Variants in PHLDB3 observed in about 807,000 individuals in gnomAD.
PHLDB3 encodes the protein pleckstrin homology-like domain family B member 3.
In PHLDB3, 86 loss-of-function variants were observed where a neutral mutation model predicts 85.7. The observed-to-expected ratio is 1.00, with a 90% CI of 0.84 to 1.20. The LOEUF (loss-of-function observed/expected upper bound fraction) is 1.20, where lower values mean the gene tolerates loss of function less well. PHLDB3 is among the 50% of genes most tolerant of loss of function. The pLI is 0.00. For missense variants in PHLDB3, 995 were observed against 873.0 expected, an observed-to-expected ratio of 1.14 and a Z score of -1.76; for synonymous variants, 376 against 349.8, an observed-to-expected ratio of 1.07 and a Z score of -0.83.
chr19:43,499,333 G>C (rs1226515241), intron 4 of PHLDB3, among the ~76,000 whole-genome samples: 1 of 151,794 alleles, frequency 6.6e-6, no homozygotes, highest in East Asian at 1.9e-4. Context: ...CAGACTCCTG[G>C]GTCAGAGGGA....
rs1599951330 is a variant in PHLDB3 at position 43,494,552 on chromosome 19, C to T, written c.1149+150G>A. ...TAAAGCTGGAGTCATAGGAATAACC[C>T]TTGGCCAACCTTCCCTATCCCCCAC... On this transcript the variant is annotated intron_variant, in intron 9 of 15. Coordinates refer to ENST00000292140, the MANE Select transcript of PHLDB3 (RefSeq NM_198850.4). The T allele has an allele frequency of 1.1e-5, 7 of 615,996 alleles. No homozygotes were observed. In the Admixed American group the frequency reaches 2.1e-4, roughly 18 times the overall value. 38.2% of individuals were successfully genotyped at this position (615,996 alleles called of 1,614,324 possible).
chr19:43,496,118 G>A (rs1443899676), intron 6 of PHLDB3: 1 of 153,224 alleles, frequency 6.5e-6, no homozygotes, highest in Non-Finnish European at 1.4e-5. Context: ...CCGGATTCAA[G>A]CAATTCTCTG....
rs1001090450 is a variant in PHLDB3, at chr19:43,502,309, G to A, written c.214-26C>T. 6 of 1,535,916 alleles carry A rather than the reference G, an allele frequency of 3.9e-6. No individual in the cohort carries two copies. The Admixed American group carries it at 5.9e-5, about 15-fold the overall frequency. ...CTGAAGTTGAGGGGGGCGTGGTTAA[G>A]TGGAGATGCCTCGCCCCCTGCAATC... On this transcript the variant is annotated intron_variant, in intron 2 of 15. Coordinates refer to ENST00000292140, the MANE Select transcript of PHLDB3 (RefSeq NM_198850.4).
chr19:43,495,502 A>G lies in PHLDB3; in HGVS notation c.944T>C (p.Leu315Pro), dbSNP rs897691077. The change falls in exon 7 of 16, where the codon CTG becomes CCG. Residue 315 changes from leucine to proline, a missense_variant. Physicochemically the swap from Leu to Pro is moderately conservative, Grantham distance 98. Transcript: ENST00000292140. The stretch of plus-strand genomic sequence containing the variant: ...AGGTGACAGGTAGCTCACCTGTGAC[A>G]GGGCCTGAAGGGCCTCCTCCTTCTT... Reference protein sequence around the residue: ...SRKKEEALQALSQERSRLLEL... With the variant: ...SRKKEEALQAPSQERSRLLEL... The G allele has an allele frequency of 1.2e-6, 2 of 1,605,124 alleles. No homozygotes were observed. Among genetic ancestry groups the G allele is most frequent in the Non-Finnish European group, 1.7e-6 (2 of 1,175,840 alleles).
intron 9 of PHLDB3, among the ~76,000 whole-genome samples, chr19:43,491,122 C>T (rs1194528758): frequency 1.3e-5 from 2 of 152,144 alleles, no homozygotes; most frequent in Non-Finnish European, 2.9e-5. Flanking sequence ...CTGGACATGG[C>T]GTCCCACCAA....
intron 4 of PHLDB3, chr19:43,501,493 A>C: frequency 1.4e-6 from 1 of 722,648 alleles, no homozygotes; most frequent in Non-Finnish European, 2.2e-6. Flanking sequence ...CCAGTTTGGA[A>C]GTTTTTACAC....
At chr19:43,494,626 G>T (rs1489181399) in intron 9 of PHLDB3, 76 bp downstream of exon 9, 1 of 1,218,224 alleles carries the variant, frequency 8.2e-7, no homozygotes, top group African/African-American at 1.5e-5. Context: ...CCCCAGTTCG[G>T]GGACTCTGCT....
intron 6 of PHLDB3, 167 bp from the exon 7 acceptor site, chr19:43,495,787 C>T (rs1398119926): frequency 1.1e-6 from 1 of 926,204 alleles, no homozygotes; most frequent in Non-Finnish European, 1.6e-6. Context: ...GGACCCTCTT[C>T]CCTTTTGAGG....
intron 13 of PHLDB3, among the ~76,000 whole-genome samples, chr19:43,483,406 G>T (rs1971088283): frequency 1.3e-5 from 2 of 151,878 alleles, no homozygotes; most frequent in African/African-American, 4.8e-5. Flanking sequence ...CTTTTCCCGA[G>T]TAGCTGGGAC....
rs199588434 is a variant in PHLDB3 at position 43,494,810 on chromosome 19, C to T, written c.1041G>A (p.Leu347=). The T allele has an allele frequency of 5.0e-4, 805 of 1,610,576 alleles. No homozygotes were observed. The highest frequency in any genetic ancestry group is 6.2e-4 in the Non-Finnish European group (726 of 1,178,642). ...GCTGGCGGTCTGTCTTCTGGGTGAA[C>T]AGCAGCTGCAAGAGATGGGGTGAAG... ...SEPNPALTKL[L]FTQKTDRQLL... is the part of the protein sequence containing the mutation. Residue 347 remains leucine, a synonymous_variant, in exon 9 of 16, where the codon CTG becomes CTA. Transcript: ENST00000292140.
chr19:43,486,544 C>T, intron 12 of PHLDB3, 65 bp downstream of exon 12: 1 of 1,542,402 alleles, frequency 6.5e-7, no homozygotes. Context: ...TGGGGGTCTC[C>T]CAGGTCTGAG....
At chr19:43,485,786 T>C (rs1202341540) in intron 13 of PHLDB3, among the ~76,000 whole-genome samples, 1 of 152,010 alleles carries the variant, frequency 6.6e-6, no homozygotes, top group East Asian at 1.9e-4. Flanking sequence ...CAAACTCAGG[T>C]GATCCACCCG....
At position 43,475,216 on chromosome 19, in the gene PHLDB3, C is replaced by G; in HGVS notation, c.*194G>C. ...GGCAGGGCCTTAGGGGCCGGCGATC[C>G]CGTCGGGGGCAAGGCACCTGCAACC... On this transcript the variant is annotated 3_prime_UTR_variant, in exon 16 of 16. Coordinates refer to ENST00000292140, the MANE Select transcript of PHLDB3 (RefSeq NM_198850.4). The G allele has an allele frequency of 1.4e-6, 1 of 701,340 alleles. No homozygotes were observed. Among genetic ancestry groups the G allele is most frequent in the Admixed American group, 3.2e-5 (1 of 31,708 alleles). 43.4% of individuals were successfully genotyped at this position (701,340 alleles called of 1,614,324 possible). A position where few individuals can be genotyped will look rare whatever the true frequency, so the allele number is the denominator to read the frequency against.
intron 13 of PHLDB3, among the ~76,000 whole-genome samples, chr19:43,482,877 A>G (rs1462028023): frequency 6.6e-6 from 1 of 152,044 alleles, no homozygotes; most frequent in East Asian, 1.9e-4. Flanking sequence ...ATGCCTAACA[A>G]TGCAGAAGAC....
intron 4 of PHLDB3, among the ~76,000 whole-genome samples, chr19:43,498,504 G>A (rs78840755): frequency 7.3e-5 from 11 of 151,696 alleles, no homozygotes; most frequent in African/African-American, 2.4e-4. Flanking sequence ...AAGGAATGAT[G>A]GAAGGAAGGA....
chr19:43,497,332 G>C, intron 5 of PHLDB3, 53 bp from the exon 6 acceptor site: 16 of 1,324,226 alleles, frequency 1.2e-5, no homozygotes, highest in Non-Finnish European at 1.5e-5. Context: ...AGACCCCAGG[G>C]AGTAGTGGGC....
At chr19:43,495,981 A>C (rs1194060099) in intron 6 of PHLDB3, 1 of 190,660 alleles carries the variant, frequency 5.2e-6, no homozygotes, top group Admixed American at 5.8e-5. Context: ...AAAAAGATCC[A>C]GAAGCAGGTG....
chr19:43,500,267 T>C (rs12978269), intron 4 of PHLDB3, among the ~76,000 whole-genome samples: 110,429 of 151,868 alleles, frequency 0.73, 40,611 homozygotes, highest in African/African-American at 0.86. Context: ...AGGGTGATCT[T>C]ATTAGGTCGG....
intron 2 of PHLDB3, among the ~76,000 whole-genome samples, 190 bp from the exon 3 acceptor site, chr19:43,502,473 T>G (rs1441878913): frequency 7.0e-6 from 1 of 142,128 alleles, no homozygotes; most frequent in Non-Finnish European, 1.6e-5. Context: ...TTTTTTTTTG[T>G]CCTGAGATAG....
Sources: allele counts gnomAD v4.1 joint callset (sites outside exome capture counted in the v4.1 genomes callset), GRCh38; gene constraint gnomAD v4.1.1; transcripts MANE v1.5; gene names NCBI Gene and HGNC (gene_info 2026-07-23, HGNC 2026-07-21).